The following LPP variants were observed in gnomAD, a reference collection of about 807,000 sequenced individuals.
LPP encodes LIM domain containing preferred translocation partner in lipoma, also known as lipoma-preferred partner.
A neutral mutation model predicts 60.4 loss-of-function variants in LPP; 38 were observed. The ratio of observed to expected loss-of-function variants is 0.63; its 90% confidence interval spans 0.49 to 0.83. The LOEUF (loss-of-function observed/expected upper bound fraction) is 0.83, where lower values mean the gene tolerates loss of function less well. Among genes scored for constraint, LPP ranks in the 40% least tolerant of loss-of-function variants. LPP has a pLI of 0.00. For synonymous variants in LPP, 328 were observed against 290.8 expected (o/e 1.13, Z -1.30); for missense variants, 902 against 783.6 (o/e 1.15, Z -1.80).
intron 7 of LPP, among the ~76,000 whole-genome samples, chr3:188,688,049 C>T (rs1861248993): frequency 6.6e-6 from 1 of 152,170 alleles, no homozygotes; most frequent in Admixed American, 6.5e-5. Context: ...GCCCCAGGCA[C>T]CACGGCAGAA....
At chr3:188,813,015 C>T (rs566887143) in intron 9 of LPP, among the ~76,000 whole-genome samples, 2 of 152,148 alleles carry the variant, frequency 1.3e-5, no homozygotes, top group East Asian at 1.9e-4. Flanking sequence ...CAAAATATAG[C>T]TTCTGTATTT....
intron 8 of LPP, among the ~76,000 whole-genome samples, chr3:188,720,410 C>A (rs1715856107): frequency 6.6e-6 from 1 of 152,070 alleles, no homozygotes; most frequent in South Asian, 2.1e-4. Flanking sequence ...AAAATGTATT[C>A]TTTTCCATCC....
At position 188,785,522 on chromosome 3, in the gene LPP, ATATATATTC is replaced by A. The variant is rs1560201494; in HGVS notation, c.1410+25241_1410+25249del. 9.0e-4 allele frequency among the ~76,000 whole-genome samples: 43 copies of A among 47,692 alleles called. 12 individuals carry two copies. Among genetic ancestry groups the A allele is most frequent in the African/African-American group, 4.2e-3 (43 of 10,172 alleles). The allele number at this position is 47,692 out of a possible 152,430, so 31.3% of individuals were successfully genotyped here. On this transcript the variant is annotated intron_variant, in intron 9 of 11. Coordinates refer to ENST00000617246, the MANE Select transcript of LPP (RefSeq NM_001375462.1). ...TATATATTCCATCATATATATATAT[ATATATATTC>A]CATCATATATATATATACACACACA...
intron 8 of LPP, among the ~76,000 whole-genome samples, chr3:188,726,612 A>G (rs1466570627): frequency 1.3e-5 from 2 of 152,188 alleles, no homozygotes; most frequent in Non-Finnish European, 2.9e-5. Flanking sequence ...TGAGTGATAC[A>G]GTGGTATTGG....
intron 4 of LPP, among the ~76,000 whole-genome samples, chr3:188,475,612 T>G (rs1055405433): frequency 1.3e-5 from 2 of 152,146 alleles, no homozygotes; most frequent in African/African-American, 4.8e-5. Context: ...TGATAAGATA[T>G]GAAAAGCAGG....
At chr3:188,765,861 CTTT>C (rs71169019) in intron 9 of LPP, among the ~76,000 whole-genome samples, 2,053 of 92,132 alleles carry the variant, frequency 0.022, 53 homozygotes, top group African/African-American at 0.075. Context: ...ATGTTCAACT[CTTT>C]TTTTTTTTTT....
At chr3:188,242,092 A>G (rs1725130289) in intron 2 of LPP, among the ~76,000 whole-genome samples, 1 of 152,154 alleles carries the variant, frequency 6.6e-6, no homozygotes, top group South Asian at 2.1e-4. Context: ...CTTTGGCGTT[A>G]AGACAGATCA....
chr3:188,174,229 T>C (rs1722429166), intron 1 of LPP, among the ~76,000 whole-genome samples: 2 of 152,228 alleles, frequency 1.3e-5, no homozygotes, highest in Non-Finnish European at 1.5e-5. Flanking sequence ...TGTTTGAGTA[T>C]CTGATAAGCA....
chr3:188,639,377 A>G (rs1208955200), intron 7 of LPP, among the ~76,000 whole-genome samples: 17 of 151,242 alleles, frequency 1.1e-4, no homozygotes, highest in Non-Finnish European at 1.5e-5. Context: ...AAGATGGATT[A>G]AAGACTTAAA....
intron 4 of LPP, among the ~76,000 whole-genome samples, chr3:188,441,771 C>A (rs1252954017): frequency 1.3e-5 from 2 of 151,530 alleles, no homozygotes; most frequent in Admixed American, 6.6e-5. Flanking sequence ...CAGGCGCCCG[C>A]CACCACGCCC....
chr3:188,872,761 G>A lies in LPP; in HGVS notation c.1708G>A (p.Glu570Lys), dbSNP rs1263068255. The A allele has an allele frequency of 1.3e-5, 21 of 1,613,968 alleles. No individual in the cohort carries two copies. Among genetic ancestry groups the A allele is most frequent in the East Asian group, 2.2e-5 (1 of 44,854 alleles). Residue 570 changes from glutamate (E) to lysine (K), a missense_variant and splice_region_variant, in exon 11 of 12, where the codon GAG becomes AAG. Coordinates refer to ENST00000617246, the MANE Select transcript of LPP (RefSeq NM_001375462.1). The part of the protein sequence containing the change: ...RDFHVHCYRC[E>K]DCGGLLSEGD... ...TTTCCATGTTCACTGCTACCGATGC[G>A]AGGTCTGGTTGACAGCCCTGCCCTG... is the stretch of plus-strand genomic sequence containing the variant.
intron 4 of LPP, among the ~76,000 whole-genome samples, chr3:188,421,647 T>C (rs996714275): frequency 7.9e-5 from 12 of 152,176 alleles, no homozygotes; most frequent in African/African-American, 2.2e-4. Context: ...AAATCCCCTT[T>C]TGTTTTTCTG....
intron 9 of LPP, among the ~76,000 whole-genome samples, chr3:188,862,578 G>A (rs569272839): frequency 1.3e-5 from 2 of 151,990 alleles, no homozygotes; most frequent in Non-Finnish European, 2.9e-5. Flanking sequence ...CTGGGAGGAG[G>A]AGTCCATGGG....
chr3:188,420,017 G>A (rs985048305), intron 4 of LPP, among the ~76,000 whole-genome samples: 3 of 152,062 alleles, frequency 2.0e-5, no homozygotes, highest in Non-Finnish European at 4.4e-5. Context: ...TGCAATCATT[G>A]TTCTTGCTAT....
intron 4 of LPP, among the ~76,000 whole-genome samples, chr3:188,429,347 CATT>C (rs1259304725): frequency 6.6e-6 from 1 of 152,100 alleles, no homozygotes; most frequent in Non-Finnish European, 1.5e-5. Flanking sequence ...TAATGAGATA[CATT>C]GTTCTATATC....
chr3:188,665,975 T>G (rs1855713219), intron 7 of LPP, among the ~76,000 whole-genome samples: 1 of 152,230 alleles, frequency 6.6e-6, no homozygotes, highest in Non-Finnish European at 1.5e-5. Flanking sequence ...ATTCTACAAT[T>G]AGTGTTTTGG....
At chr3:188,316,144 G>C (rs997116126) in intron 2 of LPP, among the ~76,000 whole-genome samples, 1 of 152,180 alleles carries the variant, frequency 6.6e-6, no homozygotes, top group African/African-American at 2.4e-5. Context: ...CAGGCATGGT[G>C]GCAGGCACCT....
chr3:188,657,281 T>TATATAATATATATATATATATA (rs10529848), intron 7 of LPP, among the ~76,000 whole-genome samples: 1 of 143,578 alleles, frequency 7.0e-6, no homozygotes, highest in Non-Finnish European at 1.5e-5. Context: ...TATATATATA[T>TATATAATATATATATATATATA]TTCCAAAAGC....
chr3:188,641,337 C>A (rs1021096866), intron 7 of LPP, among the ~76,000 whole-genome samples: 4 of 152,180 alleles, frequency 2.6e-5, no homozygotes, highest in African/African-American at 9.7e-5. Flanking sequence ...AGGACACATG[C>A]ATAGAAGTGT....
Sources: allele counts gnomAD v4.1 joint callset (sites outside exome capture counted in the v4.1 genomes callset), GRCh38; gene constraint gnomAD v4.1.1; transcripts MANE v1.5; gene names NCBI Gene and HGNC (gene_info 2026-07-23, HGNC 2026-07-21).